MAPK10: variants seen among roughly 807,000 people sequenced by gnomAD.
MAPK10 encodes the protein JNK3 alpha protein kinase.
Under a neutral mutation model 59.3 loss-of-function variants are expected in MAPK10, and 25 were observed. The observed-to-expected ratio is 0.42, with a 90% CI of 0.31 to 0.59. The LOEUF is 0.59. Among genes scored for constraint, MAPK10 ranks in the 20% least tolerant of loss-of-function variants. The pLI, the probability that MAPK10 is intolerant of heterozygous loss-of-function variation, is 0.15. For synonymous variants in MAPK10, 190 were observed against 200.5 expected (o/e 0.95, Z 0.44); for missense variants, 351 against 568.9 (o/e 0.62, Z 3.90).
At position 86,011,821 on chromosome 4, in the gene MAPK10, T is replaced by C. The variant is rs1460984194; in HGVS notation, c.*5407A>G. The C allele has an allele frequency of 6.6e-6, 1 of 152,210 alleles. No homozygotes were observed. The highest frequency in any genetic ancestry group is 1.5e-5 in the Non-Finnish European group (1 of 68,024). 9.4% of individuals were successfully genotyped at this position (152,210 alleles called of 1,614,324 possible). A position where few individuals can be genotyped will look rare whatever the true frequency, so the allele number is the denominator to read the frequency against. On this transcript the variant is annotated 3_prime_UTR_variant, in exon 14 of 14. Transcript: ENST00000641462. The stretch of plus-strand genomic sequence containing the variant: ...GTGTATGTTTATCTTCCAGGCTTTC[T>C]AATAGTTAATTGGTTAAATAAAACA...
chr4:86,107,542 AG>A, intron 4 of MAPK10, 190 bp from the exon 5 acceptor site: 1 of 1,212,188 alleles, frequency 8.2e-7, no homozygotes, highest in Non-Finnish European at 1.0e-6. Flanking sequence ...ACATGCTAGG[AG>A]GATGAAGAAG....
intron 1 of MAPK10, among the ~76,000 whole-genome samples, chr4:86,514,658 C>T (rs761615434): frequency 2.0e-5 from 3 of 152,116 alleles, no homozygotes; most frequent in Non-Finnish European, 2.9e-5. Flanking sequence ...TCAGAAGCAT[C>T]CACAAACCTA....
intron 2 of MAPK10, among the ~76,000 whole-genome samples, chr4:86,238,092 T>G (rs2092415982): frequency 6.6e-6 from 1 of 152,192 alleles, no homozygotes; most frequent in African/African-American, 2.4e-5. Flanking sequence ...CACCATTTAC[T>G]GAATAGAAGA....
chr4:86,142,144 G>A (rs1019628277), intron 4 of MAPK10, among the ~76,000 whole-genome samples: 13 of 152,076 alleles, frequency 8.5e-5, no homozygotes, highest in African/African-American at 3.1e-4. Context: ...CTTCCCACTA[G>A]GCCCCACATC....
intron 2 of MAPK10, among the ~76,000 whole-genome samples, chr4:86,217,054 C>G (rs1323409702): frequency 1.3e-5 from 2 of 152,080 alleles, no homozygotes; most frequent in African/African-American, 4.8e-5. Flanking sequence ...GGTTAGGAAA[C>G]TTTCAAAATT....
intron 1 of MAPK10, among the ~76,000 whole-genome samples, chr4:86,552,130 G>A (rs1000565799): frequency 6.6e-5 from 10 of 151,708 alleles, no homozygotes; most frequent in African/African-American, 2.4e-4. Flanking sequence ...TTAAGACAGG[G>A]AGAAAGAGGT....
intron 1 of MAPK10, among the ~76,000 whole-genome samples, chr4:86,470,991 C>T (rs969459742): frequency 1.3e-5 from 2 of 152,098 alleles, no homozygotes; most frequent in Non-Finnish European, 2.9e-5. Context: ...AAGAATTAGG[C>T]TGGGCATGGT....
At chr4:86,029,449 C>G (rs902936865) in intron 12 of MAPK10, among the ~76,000 whole-genome samples, 175 bp from the exon 13 acceptor site, 16 of 151,988 alleles carry the variant, frequency 1.1e-4, no homozygotes, top group African/African-American at 3.9e-4. Flanking sequence ...TAGCAGAGAG[C>G]CTGGCACAAA....
intron 2 of MAPK10, among the ~76,000 whole-genome samples, chr4:86,255,908 G>C (rs1263064400): frequency 6.6e-6 from 1 of 152,044 alleles, no homozygotes; most frequent in Non-Finnish European, 1.5e-5. Context: ...TTTATTCACA[G>C]CATCAAATTG....
At chr4:86,299,160 A>T (rs1322276208) in intron 2 of MAPK10, among the ~76,000 whole-genome samples, 1 of 152,228 alleles carries the variant, frequency 6.6e-6, no homozygotes, top group African/African-American at 2.4e-5. Context: ...GCAGTAAAAA[A>T]AGCCTTGTTT....
intron 1 of MAPK10, among the ~76,000 whole-genome samples, chr4:86,476,463 A>G (rs1044685921): frequency 6.6e-6 from 1 of 152,150 alleles, no homozygotes; most frequent in Admixed American, 6.5e-5. Context: ...GTTAGTGTTT[A>G]GGCTCTTTTT....
intron 1 of MAPK10, among the ~76,000 whole-genome samples, chr4:86,507,617 TATATATATATATATA>T (rs1564963577): frequency 8.9e-5 from 1 of 11,178 alleles, no homozygotes; most frequent in African/African-American, 5.5e-4. Context: ...AAACTGGAGA[TATATATATATATATA>T]TATATATATA....
chr4:86,436,427 A>G (rs970720216), intron 1 of MAPK10, among the ~76,000 whole-genome samples: 1 of 152,248 alleles, frequency 6.6e-6, no homozygotes, highest in East Asian at 1.9e-4. Context: ...GTGAGTTAAG[A>G]GATAGGAAAA....
chr4:86,476,902 C>T (rs1753137399), intron 1 of MAPK10, among the ~76,000 whole-genome samples: 1 of 152,172 alleles, frequency 6.6e-6, no homozygotes, highest in Non-Finnish European at 1.5e-5. Context: ...GGAATGCCCA[C>T]AGCCCAGGAT....
intron 4 of MAPK10, among the ~76,000 whole-genome samples, chr4:86,147,253 A>C: frequency 6.6e-6 from 1 of 151,938 alleles, no homozygotes; most frequent in Non-Finnish European, 1.5e-5. Context: ...TGCCTGGCTA[A>C]TTTTTGTTTT....
intron 2 of MAPK10, among the ~76,000 whole-genome samples, chr4:86,346,099 C>A (rs1187354198): frequency 1.3e-5 from 2 of 152,080 alleles, no homozygotes; most frequent in Non-Finnish European, 2.9e-5. Context: ...TACAAAGGAC[C>A]AAAACTACAA....
chr4:86,420,183 G>A (rs557364138), intron 1 of MAPK10, among the ~76,000 whole-genome samples: 3 of 152,184 alleles, frequency 2.0e-5, no homozygotes, highest in Non-Finnish European at 4.4e-5. Context: ...AGTAAGTTAG[G>A]TAGATTTGAG....
intron 1 of MAPK10, among the ~76,000 whole-genome samples, chr4:86,572,024 T>C (rs1015292192): frequency 1.3e-5 from 2 of 152,184 alleles, no homozygotes; most frequent in Admixed American, 6.5e-5. Context: ...TATTGCATAA[T>C]GCTAGCTTTA....
At chr4:86,231,369 G>GT (rs1460038498) in intron 2 of MAPK10, among the ~76,000 whole-genome samples, 1 of 151,990 alleles carries the variant, frequency 6.6e-6, no homozygotes, top group Non-Finnish European at 1.5e-5. Flanking sequence ...AAGTACAATT[G>GT]TAGGGGCTGG....
Sources: allele counts gnomAD v4.1 joint callset (sites outside exome capture counted in the v4.1 genomes callset), GRCh38; gene constraint gnomAD v4.1.1; transcripts MANE v1.5; gene names NCBI Gene and HGNC (gene_info 2026-07-23, HGNC 2026-07-21).